The following GATAD2B variants were observed in gnomAD, a reference collection of about 807,000 sequenced individuals.
GATAD2B encodes the protein GATA zinc finger domain containing 2B, also known as transcriptional repressor p66-beta.
A neutral mutation model predicts 64.3 loss-of-function variants in GATAD2B; 8 were observed. The observed-to-expected ratio is 0.12, with a 90% CI of 0.07 to 0.22. GATAD2B has a LOEUF of 0.22. Ranked by LOEUF, GATAD2B falls within the 10% of genes least tolerant of loss-of-function variation. GATAD2B has a pLI of 1.00. For missense variants in GATAD2B, 453 were observed against 752.0 expected (o/e 0.60, Z 4.65); for synonymous variants, 281 against 271.3 (o/e 1.04, Z -0.35).
intron 1 of GATAD2B, among the ~76,000 whole-genome samples, chr1:153,839,096 G>A (rs988419990): frequency 3.3e-5 from 3 of 90,742 alleles, no homozygotes; most frequent in East Asian, 9.5e-4. Context: ...GTGACAGAAC[G>A]AGACCCTGTC....
chr1:153,842,912 C>A (rs1675547670), intron 1 of GATAD2B, among the ~76,000 whole-genome samples: 1 of 151,042 alleles, frequency 6.6e-6, no homozygotes, highest in South Asian at 2.1e-4. Context: ...GCCTCGGCCT[C>A]CCAAAGTGCT....
At chr1:153,879,762 C>CAAA (rs71093298) in intron 1 of GATAD2B, among the ~76,000 whole-genome samples, 91 of 80,658 alleles carry the variant, frequency 1.1e-3, no homozygotes, top group Middle Eastern at 6.1e-3. Flanking sequence ...ACACTGTCTA[C>CAAA]AAAAAAAAAA....
Position 153,817,537 on chromosome 1 carries a change from G to A in GATAD2B, c.735C>T (p.His245=). 12 of 1,593,696 alleles carry A rather than the reference G, an allele frequency of 7.5e-6. No individual in the cohort carries two copies. The highest frequency in any genetic ancestry group is 1.0e-5 in the Non-Finnish European group (12 of 1,171,120). The part of the protein sequence containing the change: ...EPQNLRTLQG[H]SVIRSATNTT... ...TATTGGTAGCTGAACGGATGACACTGTGACCCTGGAGGGGAAGAAGAGGAA... is the reference window on the plus strand; with the variant it reads ...TATTGGTAGCTGAACGGATGACACTATGACCCTGGAGGGGAAGAAGAGGAA... Residue 245 remains histidine, a synonymous_variant, in exon 6 of 11, where the codon CAC becomes CAT. Coordinates refer to ENST00000368655, the MANE Select transcript of GATAD2B (RefSeq NM_020699.4).
intron 1 of GATAD2B, among the ~76,000 whole-genome samples, chr1:153,907,075 G>C (rs1677965959): frequency 6.6e-6 from 1 of 152,312 alleles, no homozygotes; most frequent in South Asian, 2.1e-4. Flanking sequence ...TACAGTTACT[G>C]TGGAAAACTG....
At chr1:153,855,756 C>T (rs1343744387) in intron 1 of GATAD2B, among the ~76,000 whole-genome samples, 2 of 152,036 alleles carry the variant, frequency 1.3e-5, no homozygotes, top group Non-Finnish European at 2.9e-5. Context: ...CTCACTGCAA[C>T]CTCTGCCTCC....
intron 1 of GATAD2B, among the ~76,000 whole-genome samples, chr1:153,901,042 C>T (rs1677753304): frequency 6.6e-6 from 1 of 151,846 alleles, no homozygotes; most frequent in African/African-American, 2.4e-5. Flanking sequence ...GGCAAAACCC[C>T]ATCTCTACTA....
intron 1 of GATAD2B, among the ~76,000 whole-genome samples, chr1:153,899,946 G>A (rs983444823): frequency 1.3e-5 from 2 of 152,140 alleles, no homozygotes; most frequent in Non-Finnish European, 2.9e-5. Context: ...ATCTATGTAA[G>A]ATGTTTCACT....
intron 1 of GATAD2B, among the ~76,000 whole-genome samples, chr1:153,904,018 C>G (rs775196052): frequency 4.6e-5 from 7 of 152,058 alleles, no homozygotes; most frequent in Non-Finnish European, 1.0e-4. Context: ...CGGTGGCTCA[C>G]GCCTGTAATC....
intron 1 of GATAD2B, among the ~76,000 whole-genome samples, chr1:153,849,598 T>C: frequency 6.6e-6 from 1 of 152,156 alleles, no homozygotes; most frequent in South Asian, 2.1e-4. Flanking sequence ...GTAAACTCTA[T>C]CAGCATTACC....
chr1:153,852,213 C>CCT, intron 1 of GATAD2B: 1 of 1,080,836 alleles, frequency 9.3e-7, no homozygotes, highest in Non-Finnish European at 1.4e-6. Flanking sequence ...GACCTACCAG[C>CCT]CAGTTGAGGG....
intron 1 of GATAD2B, among the ~76,000 whole-genome samples, chr1:153,846,410 A>AT (rs1017195747): frequency 1.7e-4 from 26 of 150,452 alleles, no homozygotes; most frequent in South Asian, 6.3e-4. Flanking sequence ...ATCTTTTTGT[A>AT]TTTTTTTTGT....
chr1:153,907,299 CATACAAAGGA>C (rs1361366569), intron 1 of GATAD2B, among the ~76,000 whole-genome samples: 1 of 152,210 alleles, frequency 6.6e-6, no homozygotes, highest in African/African-American at 2.4e-5. Context: ...GAGATATTTA[CATACAAAGGA>C]ATATTATTCA....
chr1:153,891,347 C>T (rs989047874), intron 1 of GATAD2B, among the ~76,000 whole-genome samples: 3 of 151,158 alleles, frequency 2.0e-5, no homozygotes, highest in African/African-American at 7.3e-5. Context: ...GTGGGTGGGT[C>T]ACTTGAGGTC....
chr1:153,864,875 C>G (rs1676424438), intron 1 of GATAD2B, among the ~76,000 whole-genome samples: 1 of 151,690 alleles, frequency 6.6e-6, no homozygotes, highest in Non-Finnish European at 1.5e-5. Context: ...TCGAGACCAG[C>G]CAGGTCAACA....
chr1:153,915,303 G>T (rs1678228694), intron 1 of GATAD2B, among the ~76,000 whole-genome samples: 1 of 151,962 alleles, frequency 6.6e-6, no homozygotes, highest in South Asian at 2.1e-4. Flanking sequence ...CATGCTTGTA[G>T]TCCCAGCTAC....
In GATAD2B at chr1:153,922,914, G is replaced by C. The variant is rs1046657761; in HGVS notation, c.-183C>G. 1.9e-5 allele frequency: 3 copies of C among 156,460 alleles called. No individual in the cohort carries two copies. Among genetic ancestry groups the C allele is most frequent in the Middle Eastern group, 3.3e-3 (1 of 304 alleles). 9.7% of individuals were successfully genotyped at this position (156,460 alleles called of 1,614,324 possible). On this transcript the variant is annotated 5_prime_UTR_variant, in exon 1 of 11. Transcript: ENST00000368655. ...GCGGAGCAGACACTGCGGTACAGAC[G>C]GGGGCAGCGGCGGCGGCGACGGCTG...
chr1:153,873,380 T>A (rs746562110), intron 1 of GATAD2B, among the ~76,000 whole-genome samples: 1 of 152,254 alleles, frequency 6.6e-6, no homozygotes, highest in East Asian at 1.9e-4. Context: ...ATCTGTTGGA[T>A]ACTTGGTGCC....
rs577206130 is a variant in GATAD2B at position 153,903,027 on chromosome 1, C to T, written c.-2+19706G>A. Among the ~76,000 whole-genome samples, 5 of 152,182 alleles carry T rather than the reference C, an allele frequency of 3.3e-5. No homozygotes were observed. The South Asian group carries it at 1.0e-3, about 32-fold the overall frequency. On this transcript the variant is annotated intron_variant, in intron 1 of 10. Coordinates refer to ENST00000368655, the MANE Select transcript of GATAD2B (RefSeq NM_020699.4). Reference sequence around the variant, plus strand: ...GGTCAGGAGATTGAGACCATCCTGGCTAACACGGTGAAACCTGATCTCTAC... The same window carrying T: ...GGTCAGGAGATTGAGACCATCCTGGTTAACACGGTGAAACCTGATCTCTAC...
intron 1 of GATAD2B, among the ~76,000 whole-genome samples, chr1:153,876,438 T>C (rs1260630575): frequency 1.3e-5 from 2 of 152,120 alleles, no homozygotes; most frequent in Non-Finnish European, 2.9e-5. Context: ...GCTCTTACAG[T>C]GTCTTTTCTG....
Sources: gnomAD v4.1 joint callset for allele counts (sites outside exome capture counted in the v4.1 genomes callset) on GRCh38, gnomAD v4.1.1 for gene constraint, MANE v1.5 for transcripts, NCBI Gene and HGNC (gene_info 2026-07-23, HGNC 2026-07-21) for gene names.